The following SHANK2 variants were observed in gnomAD, a reference collection of about 807,000 sequenced individuals.
SHANK2 encodes SH3 and multiple ankyrin repeat domains protein 2.
SHANK2 carries 43 observed loss-of-function variants against 133.7 expected under a neutral mutation model. The ratio of observed to expected loss-of-function variants is 0.32; its 90% confidence interval spans 0.25 to 0.41. The LOEUF is 0.41. SHANK2 is among the 10% of genes least tolerant of loss of function. SHANK2 has a pLI of 1.00. For missense variants in SHANK2, 1,994 were observed against 2,235.8 expected, an observed-to-expected ratio of 0.89 and a Z score of 2.18; for synonymous variants, 1,017 against 952.8, an observed-to-expected ratio of 1.07 and a Z score of -1.24.
chr11:71,082,464 C>T (rs1160633908), intron 8 of SHANK2, among the ~76,000 whole-genome samples: 8 of 152,238 alleles, frequency 5.3e-5, no homozygotes, highest in African/African-American at 1.7e-4. Flanking sequence ...AAGACCACAA[C>T]CCATGTGGCT....
chr11:71,225,884 G>A (rs1199731168), intron 1 of SHANK2, among the ~76,000 whole-genome samples: 2 of 152,228 alleles, frequency 1.3e-5, no homozygotes, highest in Non-Finnish European at 2.9e-5. Flanking sequence ...GGCACTTTGG[G>A]AGGCCGAGGT....
At chr11:71,250,549 C>T (rs1158339791) in intron 1 of SHANK2, among the ~76,000 whole-genome samples, 1 of 152,220 alleles carries the variant, frequency 6.6e-6, no homozygotes, top group Non-Finnish European at 1.5e-5. Context: ...CAGATGGGGG[C>T]CGAGCTCGCT....
At chr11:70,914,216 G>A (rs1555079515) in intron 10 of SHANK2, among the ~76,000 whole-genome samples, 1 of 152,016 alleles carries the variant, frequency 6.6e-6, no homozygotes, top group African/African-American at 2.4e-5. Flanking sequence ...TCGGGCTCTG[G>A]GGCTCATACA....
intron 11 of SHANK2, among the ~76,000 whole-genome samples, chr11:70,879,892 T>A (rs545198299): frequency 3.0e-4 from 45 of 152,042 alleles, no homozygotes; most frequent in Admixed American, 2.7e-3. Context: ...GAAAGCGGAG[T>A]CCACAGGGAT....
chr11:70,642,133 G>C (rs1246237120), intron 17 of SHANK2, among the ~76,000 whole-genome samples: 1 of 152,252 alleles, frequency 6.6e-6, no homozygotes, highest in Non-Finnish European at 1.5e-5. Context: ...TTTCCAGTTG[G>C]TGAAGCCTTT....
intron 17 of SHANK2, among the ~76,000 whole-genome samples, chr11:70,627,247 G>A (rs1261886628): frequency 4.6e-5 from 7 of 152,190 alleles, no homozygotes; most frequent in African/African-American, 1.2e-4. Context: ...CAAGTGAGCC[G>A]GCGGCTGCAG....
chr11:70,884,349 T>A (rs1949704274), intron 11 of SHANK2, among the ~76,000 whole-genome samples: 1 of 152,216 alleles, frequency 6.6e-6, no homozygotes, highest in African/African-American at 2.4e-5. Context: ...AATCTGTTTA[T>A]CTGCACAACC....
At chr11:70,802,335 G>A (rs1039555601) in intron 13 of SHANK2, among the ~76,000 whole-genome samples, 5 of 152,146 alleles carry the variant, frequency 3.3e-5, no homozygotes, top group Admixed American at 6.5e-5. Flanking sequence ...ACAGTGGGCC[G>A]CTCCCTGCCT....
intron 10 of SHANK2, among the ~76,000 whole-genome samples, chr11:70,947,140 C>G (rs1342393350): frequency 1.7e-3 from 72 of 42,456 alleles, no homozygotes; most frequent in African/African-American, 5.6e-3. Context: ...CCAACACACA[C>G]ACACACACAC....
intron 17 of SHANK2, among the ~76,000 whole-genome samples, chr11:70,503,594 G>A (rs1555159373): frequency 6.6e-6 from 1 of 152,182 alleles, no homozygotes; most frequent in African/African-American, 2.4e-5. Context: ...TGGCAGGCTG[G>A]GGACCCCCAA....
At chr11:70,709,936 G>A (rs1555025777) in intron 14 of SHANK2, among the ~76,000 whole-genome samples, 2 of 152,122 alleles carry the variant, frequency 1.3e-5, no homozygotes, top group Non-Finnish European at 2.9e-5. Flanking sequence ...TGCTTTCAGG[G>A]ACGGAGGGGG....
chr11:71,140,307 G>C (rs1415582466), intron 3 of SHANK2, among the ~76,000 whole-genome samples: 3 of 152,236 alleles, frequency 2.0e-5, no homozygotes, highest in Non-Finnish European at 2.9e-5. Context: ...TCACGAGGAG[G>C]TGCTGTAGGT....
chr11:70,866,499 G>C (rs1949361114), intron 11 of SHANK2, among the ~76,000 whole-genome samples: 1 of 152,198 alleles, frequency 6.6e-6, no homozygotes, highest in Non-Finnish European at 1.5e-5. Context: ...CAAAGAAGGA[G>C]TCCAAGTGTT....
chr11:70,469,829 A>AATT lies in SHANK2; in HGVS notation c.*3037_*3039dup, dbSNP rs1259866560. 3 of 152,666 alleles carry AATT rather than the reference A, an allele frequency of 2.0e-5. No homozygotes were observed. Among genetic ancestry groups the AATT allele is most frequent in the African/African-American group, 7.2e-5 (3 of 41,462 alleles). The allele number at this position is 152,666 out of a possible 1,614,324, so 9.5% of individuals were successfully genotyped here. A position where few individuals can be genotyped will look rare whatever the true frequency, so the allele number is the denominator to read the frequency against. ...CAGCAAATCAACAGTCACATTGAGT[A>AATT]ATTTTTATATTATGTGAATTAACTT... is the stretch of plus-strand genomic sequence containing the variant. On this transcript the variant is annotated 3_prime_UTR_variant, in exon 26 of 26. Coordinates refer to ENST00000601538, the MANE Select transcript of SHANK2 (RefSeq NM_012309.5).
At chr11:70,778,943 A>G (rs1396694998) in intron 14 of SHANK2, among the ~76,000 whole-genome samples, 4 of 152,122 alleles carry the variant, frequency 2.6e-5, no homozygotes, top group African/African-American at 9.7e-5. Context: ...TGCAGACACC[A>G]CATCCTGTAG....
At position 70,487,223 on chromosome 11, in the gene SHANK2, C is replaced by T. The variant is rs782049538; in HGVS notation, c.3070G>A (p.Glu1024Lys). The T allele has an allele frequency of 6.2e-7, 1 of 1,614,074 alleles. No homozygotes were observed. Among genetic ancestry groups the T allele is most frequent in the South Asian group, 1.1e-5 (1 of 91,078 alleles). ...VKQSNVEDSP[E>K]KTCSIPIPTI... is the part of the protein sequence containing the mutation. Reference sequence around the variant, plus strand: ...GGGATAGGGATGGAGCACGTCTTCTCGGGGCTGTCCTCCACGTTGGACTGC... The same window carrying T: ...GGGATAGGGATGGAGCACGTCTTCTTGGGGCTGTCCTCCACGTTGGACTGC... Residue 1024 changes from glutamate (E) to lysine (K), a missense_variant, in exon 25 of 26, where the codon GAG (glutamate) becomes AAG (lysine). Around this residue, in one of 5 missense-constraint regions of SHANK2, gnomAD observed 488 missense variants for 642.6 expected, o/e 0.76. Coordinates refer to ENST00000601538, the MANE Select transcript of SHANK2 (RefSeq NM_012309.5). This position sits in a 1 kb window ranked among gnomAD's most constrained non-coding sequence, Gnocchi z 5.8.
chr11:70,833,733 AGTTT>A (rs1445305245), intron 11 of SHANK2, among the ~76,000 whole-genome samples: 2 of 152,190 alleles, frequency 1.3e-5, no homozygotes, highest in Admixed American at 6.5e-5. Context: ...CCACGACTGA[AGTTT>A]GTTTATTATT....
chr11:70,913,373 C>T (rs1950223908), intron 10 of SHANK2, among the ~76,000 whole-genome samples: 1 of 151,986 alleles, frequency 6.6e-6, no homozygotes, highest in Non-Finnish European at 1.5e-5. Context: ...TTAAATTCAA[C>T]ACAATTAAAT....
At chr11:70,570,437 C>G (rs1053574124) in intron 17 of SHANK2, 2 of 152,232 alleles carry the variant, frequency 1.3e-5, no homozygotes, top group African/African-American at 4.8e-5. Flanking sequence ...TCAAAGGTAC[C>G]CCTGCTTGCT....
Sources: gnomAD v4.1 joint callset for allele counts (sites outside exome capture counted in the v4.1 genomes callset) on GRCh38, gnomAD v4.1.1 for gene constraint, gnomAD v4.1.1 regional missense constraint, Gnocchi (gnomAD v3.1) non-coding constraint, MANE v1.5 for transcripts, NCBI Gene and HGNC (gene_info 2026-07-23, HGNC 2026-07-21) for gene names.